Variants in AGBL4 observed in about 807,000 individuals in gnomAD.
AGBL4 encodes cytosolic carboxypeptidase 6.
In AGBL4, 58 loss-of-function variants were observed where a neutral mutation model predicts 66.4. That is an observed-to-expected ratio of 0.87 (90% confidence interval 0.71 to 1.09). AGBL4 has a LOEUF of 1.09. Ranked by LOEUF, AGBL4 falls within the 50% of genes least tolerant of loss-of-function variation. The probability of loss-of-function intolerance (pLI) is 0.00; values close to 1 mark genes in which losing one functional copy is unlikely to be tolerated. For synonymous variants in AGBL4, 234 were observed against 222.9 expected (o/e 1.05, Z -0.44); for missense variants, 579 against 631.0 (o/e 0.92, Z 0.88).
intron 3 of AGBL4, among the ~76,000 whole-genome samples, chr1:49,611,008 C>A (rs1366612248): frequency 1.3e-5 from 2 of 152,294 alleles, no homozygotes. Flanking sequence ...GTAGCTCTAG[C>A]AACAGATGAA....
intron 1 of AGBL4, among the ~76,000 whole-genome samples, chr1:49,948,192 A>G (rs1655597437): frequency 1.0e-5 from 1 of 99,144 alleles, no homozygotes; most frequent in African/African-American, 4.1e-5. Context: ...ATATATAAAT[A>G]TATATAAATA....
intron 8 of AGBL4, among the ~76,000 whole-genome samples, chr1:48,639,863 T>C (rs1431767621): frequency 1.3e-5 from 2 of 152,208 alleles, no homozygotes; most frequent in Non-Finnish European, 2.9e-5. Context: ...TAACTGACTA[T>C]AAGCACAAGA....
chr1:49,098,779 T>C (rs1425083044), intron 4 of AGBL4, among the ~76,000 whole-genome samples: 4 of 152,192 alleles, frequency 2.6e-5, no homozygotes, highest in Non-Finnish European at 4.4e-5. Flanking sequence ...CCTTCACAGG[T>C]GAGGCTGGAG....
chr1:49,977,142 T>A (rs1397119388), intron 1 of AGBL4, among the ~76,000 whole-genome samples: 2 of 152,256 alleles, frequency 1.3e-5, no homozygotes, highest in Non-Finnish European at 2.9e-5. Flanking sequence ...CTATCTTTCA[T>A]TCACTTCACC....
downstream of AGBL4, among the ~76,000 whole-genome samples, chr1:48,531,449 C>G (rs868173130): frequency 3.3e-5 from 5 of 152,312 alleles, 1 homozygote; most frequent in Middle Eastern, 6.8e-3. Context: ...GGAGTCCCCT[C>G]TATTTCCTCC....
chr1:49,802,118 T>G (rs1644874579), intron 2 of AGBL4, among the ~76,000 whole-genome samples: 1 of 152,184 alleles, frequency 6.6e-6, no homozygotes, highest in Non-Finnish European at 1.5e-5. Flanking sequence ...GTGCATGATG[T>G]GCTTCCCCCT....
chr1:49,948,027 A>AATATAT (rs369140618), intron 1 of AGBL4, among the ~76,000 whole-genome samples: 42 of 75,840 alleles, frequency 5.5e-4, no homozygotes, highest in African/African-American at 2.4e-3. Flanking sequence ...AATATATATA[A>AATATAT]ATATATATAC....
intron 3 of AGBL4, among the ~76,000 whole-genome samples, chr1:49,291,103 T>G (rs1196131074): frequency 4.6e-5 from 7 of 152,210 alleles, no homozygotes. Context: ...GATGTGCAGA[T>G]TTTTGGTATC....
At chr1:49,496,618 T>G (rs1228714921) in intron 3 of AGBL4, among the ~76,000 whole-genome samples, 2 of 151,042 alleles carry the variant, frequency 1.3e-5, no homozygotes, top group Non-Finnish European at 1.5e-5. Flanking sequence ...AGTAATATTA[T>G]GCAGTATTTG....
chr1:49,537,980 C>G (rs1240031079), intron 3 of AGBL4, among the ~76,000 whole-genome samples: 1 of 150,884 alleles, frequency 6.6e-6, no homozygotes, highest in African/African-American at 2.4e-5. Flanking sequence ...AAAAGAGAAC[C>G]TTTATCAACT....
chr1:49,755,864 A>G (rs1380389605), intron 2 of AGBL4, among the ~76,000 whole-genome samples: 5 of 152,188 alleles, frequency 3.3e-5, no homozygotes, highest in African/African-American at 9.6e-5. Context: ...CTAAAATGCA[A>G]ACTTAACTAT....
At chr1:49,396,884 C>T (rs548146804) in intron 3 of AGBL4, among the ~76,000 whole-genome samples, 23 of 152,230 alleles carry the variant, frequency 1.5e-4, no homozygotes, top group Admixed American at 7.2e-4. Flanking sequence ...TTCTCTAGGC[C>T]AGTGGTCCCC....
intron 6 of AGBL4, among the ~76,000 whole-genome samples, chr1:48,865,745 T>C (rs1647997732): frequency 6.6e-6 from 1 of 152,164 alleles, no homozygotes; most frequent in Non-Finnish European, 1.5e-5. Context: ...CATACTTAGC[T>C]ATCATATCAG....
chr1:49,754,266 CT>C (rs573812769), intron 2 of AGBL4, among the ~76,000 whole-genome samples: 11,274 of 139,314 alleles, frequency 0.081, 1,236 homozygotes, highest in African/African-American at 0.26. Flanking sequence ...CATGGGTGTT[CT>C]TTTTTTTTTT....
intron 3 of AGBL4, among the ~76,000 whole-genome samples, chr1:49,432,007 G>A (rs1645799018): frequency 6.6e-6 from 1 of 152,032 alleles, no homozygotes; most frequent in African/African-American, 2.4e-5. Flanking sequence ...GGCCTTTCCT[G>A]GGCCTTAAAG....
intron 4 of AGBL4, among the ~76,000 whole-genome samples, chr1:49,200,751 T>A (rs772660271): frequency 1.3e-5 from 2 of 152,186 alleles, no homozygotes; most frequent in East Asian, 3.9e-4. Context: ...GCCACCTCCA[T>A]GTGCTTAGCA....
At chr1:49,358,534 G>T (rs1644068036) in intron 3 of AGBL4, among the ~76,000 whole-genome samples, 1 of 152,064 alleles carries the variant, frequency 6.6e-6, no homozygotes, top group African/African-American at 2.4e-5. Flanking sequence ...GACTTTATTT[G>T]TCTGGGAACA....
intron 4 of AGBL4, among the ~76,000 whole-genome samples, chr1:49,140,427 T>G (rs926001498): frequency 6.6e-6 from 1 of 152,246 alleles, no homozygotes; most frequent in African/African-American, 2.4e-5. Context: ...TATTCACACC[T>G]TTCTTCCATC....
intron 3 of AGBL4, among the ~76,000 whole-genome samples, chr1:49,439,128 T>C (rs928938691): frequency 6.6e-6 from 1 of 152,214 alleles, no homozygotes; most frequent in Non-Finnish European, 1.5e-5. Context: ...CTGGAAGACT[T>C]CTTGGAGGAG....
Sources: allele counts gnomAD v4.1 joint callset (sites outside exome capture counted in the v4.1 genomes callset), GRCh38; gene constraint gnomAD v4.1.1; transcripts MANE v1.5; gene names NCBI Gene and HGNC (gene_info 2026-07-23, HGNC 2026-07-21).